SIPA1L1: variants seen among roughly 807,000 people sequenced by gnomAD.
SIPA1L1 encodes the protein signal induced proliferation associated 1 like 1.
A neutral mutation model predicts 162.7 loss-of-function variants in SIPA1L1; 26 were observed. That is an observed-to-expected ratio of 0.16 (90% CI 0.12 to 0.22). The LOEUF (loss-of-function observed/expected upper bound fraction) is 0.22. Among genes scored for constraint, SIPA1L1 ranks in the 10% least tolerant of loss-of-function variants. The pLI, the probability that SIPA1L1 is intolerant of heterozygous loss-of-function variation, is 1.00. For missense variants in SIPA1L1, 1,874 were observed against 2,241.0 expected (o/e 0.84, Z 3.31); for synonymous variants, 829 against 837.4 (o/e 0.99, Z 0.17).
rs2034782377 is a variant in SIPA1L1, at chr14:71,587,642, G to A, written c.-231G>A. The A allele has an allele frequency of 8.6e-6, 4 of 467,554 alleles. No individual in the cohort carries two copies. In the South Asian group the frequency reaches 2.2e-4, roughly 25 times the overall value. 29.0% of individuals were successfully genotyped at this position (467,554 alleles called of 1,614,324 possible). ...TCCATTCAGTTTTTTCTGAAAGAAA[G>A]CCCTCTGTTAAAGTGAAGCAAAGAA... is the stretch of plus-strand genomic sequence containing the variant. On this transcript the variant is annotated 5_prime_UTR_variant, in exon 5 of 24. Transcript: ENST00000381232.
intron 2 of SIPA1L1, among the ~76,000 whole-genome samples, chr14:71,497,274 G>A (rs2143177041): frequency 6.6e-6 from 1 of 152,222 alleles, no homozygotes; most frequent in Non-Finnish European, 1.5e-5. Flanking sequence ...TGAACTCCTA[G>A]ACTCAAGGGA....
At chr14:71,640,284 G>GA (rs1329519898) in intron 7 of SIPA1L1, among the ~76,000 whole-genome samples, 2 of 151,916 alleles carry the variant, frequency 1.3e-5, no homozygotes, top group African/African-American at 4.8e-5. Flanking sequence ...ATTTTTTTGA[G>GA]AAAAACATAG....
chr14:71,735,520 T>C (rs2085206061), intron 22 of SIPA1L1, 129 bp downstream of exon 22: 10 of 590,376 alleles, frequency 1.7e-5, no homozygotes, highest in Admixed American at 3.2e-5. Context: ...GGCTAGACAC[T>C]TTACATTTTA....
Position 71,672,588 on chromosome 14 carries a change from A to G in SIPA1L1, c.3070A>G (p.Ile1024Val). 2 of 1,614,194 alleles carry G rather than the reference A, an allele frequency of 1.2e-6. No individual in the cohort carries two copies. The highest frequency in any genetic ancestry group is 1.1e-5 in the South Asian group (1 of 91,082). The change falls in exon 12 of 24, where the codon ATC (isoleucine) becomes GTC (valine). Residue 1024 changes from isoleucine to valine, a missense_variant. Transcript: ENST00000381232. ...LRTSVTVKVV[I>V]IPPHDDCTPR... ...AACATCTGTCACGGTGAAGGTTGTC[A>G]TCATTCCCCCGCATGATGACTGCAC... is the stretch of plus-strand genomic sequence containing the variant.
intron 4 of SIPA1L1, among the ~76,000 whole-genome samples, chr14:71,543,963 G>GTA (rs200309327): frequency 0.014 from 2,090 of 147,964 alleles, 23 homozygotes; most frequent in Middle Eastern, 0.046. Flanking sequence ...GCACATGTAT[G>GTA]TATATATACA....
chr14:71,670,299 C>T (rs1216070243), intron 10 of SIPA1L1, among the ~76,000 whole-genome samples: 2 of 151,968 alleles, frequency 1.3e-5, no homozygotes, highest in African/African-American at 2.4e-5. Context: ...TCATATGATC[C>T]TTTTCTTAGG....
At chr14:71,504,825 G>C (rs1288859849) in intron 2 of SIPA1L1, among the ~76,000 whole-genome samples, 1 of 152,156 alleles carries the variant, frequency 6.6e-6, no homozygotes, top group Non-Finnish European at 1.5e-5. Flanking sequence ...TTTTTTAGAA[G>C]TCAGTAGAGA....
At chr14:71,584,539 G>T (rs1189445176) in intron 4 of SIPA1L1, among the ~76,000 whole-genome samples, 1 of 152,226 alleles carries the variant, frequency 6.6e-6, no homozygotes. Flanking sequence ...ACTGGTGGAT[G>T]TATGGTCCAT....
intron 12 of SIPA1L1, among the ~76,000 whole-genome samples, chr14:71,680,482 A>G (rs1307793347): frequency 3.3e-5 from 5 of 152,238 alleles, no homozygotes; most frequent in Non-Finnish European, 7.3e-5. Context: ...AAAGCAGGAA[A>G]GATCTAAAAT....
chr14:71,431,412 G>T (rs1465544865), intron 2 of SIPA1L1, among the ~76,000 whole-genome samples: 1 of 152,148 alleles, frequency 6.6e-6, no homozygotes, highest in Non-Finnish European at 1.5e-5. Flanking sequence ...GATTACATGA[G>T]GCTGGGTGTG....
intron 5 of SIPA1L1, among the ~76,000 whole-genome samples, chr14:71,606,232 C>T (rs1019083651): frequency 3.4e-4 from 52 of 152,166 alleles, no homozygotes; most frequent in African/African-American, 1.1e-3. Context: ...GCTTCAGCCG[C>T]GGTGATGGCA....
At chr14:71,494,570 A>C (rs1306648092) in intron 2 of SIPA1L1, among the ~76,000 whole-genome samples, 1 of 142,468 alleles carries the variant, frequency 7.0e-6, no homozygotes, top group Non-Finnish European at 1.5e-5. Flanking sequence ...TGTGTCACCC[A>C]GGCTGGAGTG....
At chr14:71,435,095 CG>C (rs1161620216) in intron 2 of SIPA1L1, among the ~76,000 whole-genome samples, 3 of 152,038 alleles carry the variant, frequency 2.0e-5, no homozygotes, top group Non-Finnish European at 4.4e-5. Context: ...AGAATATATT[CG>C]TATCTTTATT....
chr14:71,507,263 T>C (rs936975876), intron 2 of SIPA1L1, among the ~76,000 whole-genome samples: 25 of 152,202 alleles, frequency 1.6e-4, no homozygotes, highest in Non-Finnish European at 2.8e-4. Context: ...GAGGGAAATT[T>C]TGTTGTTGAT....
intron 14 of SIPA1L1, among the ~76,000 whole-genome samples, chr14:71,700,074 AG>A (rs2149801031): frequency 6.6e-6 from 1 of 152,344 alleles, no homozygotes; most frequent in South Asian, 2.1e-4. Flanking sequence ...AATTGGGGAT[AG>A]GGGGCATACA....
chr14:71,358,591 A>T (rs1029629689), intron 2 of SIPA1L1, among the ~76,000 whole-genome samples: 7 of 152,202 alleles, frequency 4.6e-5, no homozygotes, highest in Non-Finnish European at 1.0e-4. Context: ...TTCATTCCTG[A>T]ATCCCTTTTT....
intron 2 of SIPA1L1, among the ~76,000 whole-genome samples, chr14:71,341,707 G>C (rs181008768): frequency 2.6e-5 from 4 of 152,160 alleles, no homozygotes; most frequent in South Asian, 4.1e-4. Context: ...TCTTATGTCC[G>C]TGAGTACCCA....
chr14:71,357,537 G>A (rs931944130), intron 2 of SIPA1L1, among the ~76,000 whole-genome samples: 1 of 152,184 alleles, frequency 6.6e-6, no homozygotes, highest in African/African-American at 2.4e-5. Context: ...GGATGTCTTA[G>A]TGGAGTTGTT....
intron 4 of SIPA1L1, among the ~76,000 whole-genome samples, chr14:71,543,981 A>G (rs997394227): frequency 1.3e-5 from 2 of 149,230 alleles, no homozygotes; most frequent in Non-Finnish European, 3.0e-5. Context: ...ACACACACGC[A>G]CATGTATATA....
Sources: gnomAD v4.1 joint callset for allele counts (sites outside exome capture counted in the v4.1 genomes callset) on GRCh38, gnomAD v4.1.1 for gene constraint, MANE v1.5 for transcripts, NCBI Gene and HGNC (gene_info 2026-07-23, HGNC 2026-07-21) for gene names.